PGAM5: variants seen among roughly 807,000 people sequenced by gnomAD.
PGAM5 encodes PGAM family member 5, mitochondrial serine/threonine protein phosphatase.
A neutral mutation model predicts 30.6 loss-of-function variants in PGAM5; 25 were observed. That is an observed-to-expected ratio of 0.82 (90% CI 0.60 to 1.14). PGAM5 has a LOEUF of 1.14. Among genes scored for constraint, PGAM5 ranks in the 50% most tolerant of loss-of-function variants. The pLI is 0.00. For missense variants in PGAM5, 384 were observed against 408.5 expected (o/e 0.94, Z 0.52); for synonymous variants, 201 against 179.1 (o/e 1.12, Z -0.98).
At chr12:132,712,708 G>T (rs1006514223) in intron 1 of PGAM5, among the ~76,000 whole-genome samples, 1 of 151,562 alleles carries the variant, frequency 6.6e-6, no homozygotes, top group South Asian at 2.1e-4. Flanking sequence ...CTCCCACCTC[G>T]GCCTCCCAAA....
intron 1 of PGAM5, among the ~76,000 whole-genome samples, chr12:132,712,754 C>A (rs990891186): frequency 2.0e-5 from 3 of 151,898 alleles, no homozygotes; most frequent in Non-Finnish European, 4.4e-5. Flanking sequence ...CCATGCCCAG[C>A]CTGTTATATT....
intron 5 of PGAM5, among the ~76,000 whole-genome samples, chr12:132,719,602 G>C (rs544863833): frequency 6.6e-6 from 1 of 152,318 alleles, no homozygotes; most frequent in Non-Finnish European, 1.5e-5. Flanking sequence ...CAGTCACCCC[G>C]AGGTGACACA....
rs772702648 is a variant in PGAM5 at position 132,717,736 on chromosome 12, C to T, written c.523C>T (p.Leu175=). The T allele has an allele frequency of 1.9e-6, 3 of 1,581,186 alleles. No individual in the cohort carries two copies. The highest frequency in any genetic ancestry group is 2.3e-5 in the East Asian group (1 of 43,132). Residue 175 remains leucine, a synonymous_variant, in exon 4 of 6, where the codon CTG becomes TTG. Transcript: ENST00000498926. ...CGTCTGCAAAGTCAGCACAGATCTG[C>T]TGCGGGAAGGCGCCCCCATCGAGCC... ...PGVCKVSTDL[L]REGAPIEPDP... is the part of the protein sequence containing the mutation.
At position 132,721,008 on chromosome 12, in the gene PGAM5, A is replaced by G. The variant is rs1267402573; in HGVS notation, c.*180A>G. ...CAGCCTGACTTCTCTGCAGGGTTTTATACCTGACCATGAACCCCCAGGATG... is the reference window on the plus strand; with the variant it reads ...CAGCCTGACTTCTCTGCAGGGTTTTGTACCTGACCATGAACCCCCAGGATG... On this transcript the variant is annotated 3_prime_UTR_variant, in exon 6 of 6. Transcript: ENST00000498926. The G allele has an allele frequency of 2.8e-6, 2 of 721,710 alleles. No individual in the cohort carries two copies. The highest frequency in any genetic ancestry group is 4.3e-6 in the Non-Finnish European group (2 of 461,514). The allele number at this position is 721,710 out of a possible 1,614,324, so 44.7% of individuals were successfully genotyped here. A position where few individuals can be genotyped will look rare whatever the true frequency, so the allele number is the denominator to read the frequency against.
intron 5 of PGAM5, among the ~76,000 whole-genome samples, chr12:132,720,349 C>T (rs979963997): frequency 8.7e-5 from 13 of 149,208 alleles, no homozygotes; most frequent in African/African-American, 3.2e-4. Context: ...GCTCTGTCAC[C>T]CAGGCTGGAG....
At chr12:132,715,059 CTG>C (rs1308228545) in intron 2 of PGAM5, 23 bp downstream of exon 2, 1 of 1,580,876 alleles carries the variant, frequency 6.3e-7, no homozygotes, top group Non-Finnish European at 8.6e-7. Context: ...TTCAGATCCT[CTG>C]TGGACCCTCG....
chr12:132,715,173 G>T (rs1203218577), intron 2 of PGAM5, 137 bp downstream of exon 2: 2 of 831,404 alleles, frequency 2.4e-6, no homozygotes, highest in Admixed American at 2.9e-5. Context: ...AGTGCTTGGG[G>T]CACTGGGCCT....
intron 4 of PGAM5, 25 bp from the exon 5 acceptor site, chr12:132,717,962 T>C: frequency 6.2e-7 from 1 of 1,612,384 alleles, no homozygotes; most frequent in Non-Finnish European, 8.5e-7. Flanking sequence ...ACTTCCGCAC[T>C]GACGGCTCCT....
At chr12:132,714,732 C>T (rs1185248168) in intron 1 of PGAM5, 126 bp from the exon 2 acceptor site, 2 of 1,086,424 alleles carry the variant, frequency 1.8e-6, no homozygotes, top group Non-Finnish European at 2.7e-6. Context: ...CAGGGCTGTG[C>T]CAAGGGCCTT....
chr12:132,717,299 C>CGGGCGGAGGAGGGGGTGTTTGA, intron 2 of PGAM5, 140 bp from the exon 3 acceptor site: 3 of 870,732 alleles, frequency 3.4e-6, no homozygotes, highest in Non-Finnish European at 4.6e-6. Context: ...GTCGTGTTTG[C>CGGGCGGAGGAGGGGGTGTTTGA]GGGCGGAGGA....
chr12:132,717,202 G>A (rs1233698080), intron 2 of PGAM5, among the ~76,000 whole-genome samples: 1 of 152,204 alleles, frequency 6.6e-6, no homozygotes, highest in African/African-American at 2.4e-5. Context: ...TGGGGGTGAA[G>A]ACAGTTGAGT....
chr12:132,718,743 G>T lies in PGAM5; in HGVS notation c.719+623G>T, dbSNP rs543470620. On this transcript the variant is annotated intron_variant, in intron 5 of 5. Coordinates refer to ENST00000498926, the MANE Select transcript of PGAM5 (RefSeq NM_001170543.2). ...ACTCGACCAACCACCTTCTGCCTCC[G>T]GCTGGATCCCACTGGCAGCATCCCG... 3 of 1,613,122 alleles carry T rather than the reference G, an allele frequency of 1.9e-6. No individual in the cohort carries two copies. The East Asian group carries it at 6.7e-5, about 36-fold the overall frequency.
chr12:132,720,385 G>A (rs2043631357), intron 5 of PGAM5, among the ~76,000 whole-genome samples: 1 of 150,584 alleles, frequency 6.6e-6, no homozygotes, highest in South Asian at 2.1e-4. Flanking sequence ...TCAGCTCACT[G>A]CAAGCTCCGC....
intron 2 of PGAM5, among the ~76,000 whole-genome samples, chr12:132,717,166 G>A (rs1334745822): frequency 6.6e-6 from 1 of 152,208 alleles, no homozygotes; most frequent in Admixed American, 6.5e-5. Flanking sequence ...TCCATTGGTG[G>A]AATCAGATGC....
At chr12:132,717,357 CGTGTTTGCGGGCGGAGGAGGGG>C (rs2043589794) in intron 2 of PGAM5, 60 bp from the exon 3 acceptor site, 4 of 1,162,132 alleles carry the variant, frequency 3.4e-6, no homozygotes, top group East Asian at 3.4e-5. Flanking sequence ...TGGAGGAGGG[CGTGTTTGCGGGCGGAGGAGGGG>C]GTGTTTGAGG....
At chr12:132,717,380 G>A in intron 2 of PGAM5, 59 bp from the exon 3 acceptor site, 3 of 1,558,840 alleles carry the variant, frequency 1.9e-6, no homozygotes, top group Non-Finnish European at 2.6e-6. Flanking sequence ...GGAGGAGGGG[G>A]TGTTTGAGGG....
chr12:132,719,261 C>G, intron 5 of PGAM5: 1 of 1,097,354 alleles, frequency 9.1e-7, no homozygotes. Context: ...GGTGGGAGGA[C>G]AGGACGGCAC....
chr12:132,720,835 C>T lies in PGAM5; in HGVS notation c.*7C>T, dbSNP rs554949568. The T allele has an allele frequency of 1.2e-5, 19 of 1,535,568 alleles. No individual in the cohort carries two copies. Among genetic ancestry groups the T allele is most frequent in the Middle Eastern group, 1.7e-4 (1 of 5,976 alleles). The stretch of plus-strand genomic sequence containing the variant: ...CAAGATCACTCGATCCTGAGGGCTC[C>T]GGCCTCTCCTTCCCTCTGTCCTCCC... On this transcript the variant is annotated 3_prime_UTR_variant, in exon 6 of 6. Coordinates refer to ENST00000498926, the MANE Select transcript of PGAM5 (RefSeq NM_001170543.2).
Position 132,718,407 on chromosome 12 carries a change from C to T in PGAM5, c.719+287C>T, listed in dbSNP as rs1195007013. 8.9e-5 allele frequency among the ~76,000 whole-genome samples: 4 copies of T among 44,860 alleles called. 1 individual carries two copies. The highest frequency in any genetic ancestry group is 2.4e-4 in the African/African-American group (2 of 8,394). 29.4% of individuals were successfully genotyped at this position (44,860 alleles called of 152,430 possible). Reference sequence around the variant, plus strand: ...TGGGTGGGGGGTCCTGAGTGGGGTGCGTGCTGGGTGGGGGTGTCCTGGGTG... The same window carrying T: ...TGGGTGGGGGGTCCTGAGTGGGGTGTGTGCTGGGTGGGGGTGTCCTGGGTG... On this transcript the variant is annotated intron_variant, in intron 5 of 5. Coordinates refer to ENST00000498926, the MANE Select transcript of PGAM5 (RefSeq NM_001170543.2).
Sources: gnomAD v4.1 joint callset for allele counts (sites outside exome capture counted in the v4.1 genomes callset) on GRCh38, gnomAD v4.1.1 for gene constraint, MANE v1.5 for transcripts, NCBI Gene and HGNC (gene_info 2026-07-23, HGNC 2026-07-21) for gene names.